Variants in FRMPD2 observed in about 807,000 individuals in gnomAD.
FRMPD2 encodes the protein FERM and PDZ domain-containing protein 2.
A neutral mutation model predicts 140.1 loss-of-function variants in FRMPD2; 96 were observed. The ratio of observed to expected loss-of-function variants is 0.69; its 90% CI spans 0.58 to 0.81. The LOEUF is 0.81. FRMPD2 is among the 40% of genes least tolerant of loss of function. The pLI is 0.00. For missense variants in FRMPD2, 1,240 were observed against 1,447.4 expected (o/e 0.86, Z 2.32); for synonymous variants, 449 against 547.6 (o/e 0.82, Z 2.52).
At chr10:48,189,044 G>A (rs572648357) in intron 16 of FRMPD2, among the ~76,000 whole-genome samples, 3 of 152,292 alleles carry the variant, frequency 2.0e-5, no homozygotes, top group African/African-American at 7.2e-5. Context: ...TGGACTGCGT[G>A]CTACTGAACT....
At position 48,238,019 on chromosome 10, in the gene FRMPD2, T is replaced by C. The variant is rs200082517; in HGVS notation, c.893A>G (p.Gln298Arg). ...ADSSWPTTPS[Q>R]RGFLQRRSKF... ...GCTCCTTCTTTGCAGAAAACCCCTC[T>C]GAGAAGGAGTTGTTGGCCATGAGCT... Residue 298 changes from glutamine (Q) to arginine (R), a missense_variant, in exon 8 of 29, where the codon CAG (glutamine) becomes CGG (arginine). Physicochemically the swap from Gln to Arg is conservative, Grantham distance 43. Coordinates refer to ENST00000374201, the MANE Select transcript of FRMPD2 (RefSeq NM_001018071.4). 2.8e-5 allele frequency: 46 copies of C among 1,614,076 alleles called. No homozygotes were observed. In the Admixed American group the frequency reaches 3.5e-4, roughly 12 times the overall value.
At chr10:48,265,486 C>T (rs2131986111) in intron 1 of FRMPD2, among the ~76,000 whole-genome samples, 1 of 152,182 alleles carries the variant, frequency 6.6e-6, no homozygotes, top group East Asian at 1.9e-4. Flanking sequence ...GGTCTAATAT[C>T]CAGCATTTAT....
intron 1 of FRMPD2, among the ~76,000 whole-genome samples, chr10:48,265,876 A>G (rs1164475551): frequency 2.0e-5 from 3 of 152,224 alleles, no homozygotes; most frequent in African/African-American, 7.2e-5. Flanking sequence ...TATATACCCA[A>G]AGAAATATAA....
intron 2 of FRMPD2, among the ~76,000 whole-genome samples, chr10:48,250,963 A>AT (rs113989363): frequency 0.11 from 16,432 of 143,314 alleles, 1,681 homozygotes; most frequent in African/African-American, 0.28. Flanking sequence ...TACCTGGCAA[A>AT]TTTTTTTTTT....
intron 3 of FRMPD2, 96 bp downstream of exon 3, chr10:48,248,925 C>G (rs1840313901): frequency 1.7e-6 from 2 of 1,178,828 alleles, no homozygotes; most frequent in Non-Finnish European, 2.4e-6. Flanking sequence ...GAACCAAGCT[C>G]TGCAAGGCTG....
chr10:48,270,044 T>C (rs1840740555), intron 1 of FRMPD2, among the ~76,000 whole-genome samples: 1 of 152,210 alleles, frequency 6.6e-6, no homozygotes, highest in African/African-American at 2.4e-5. Flanking sequence ...AAAGTGACTA[T>C]TTCTGTGCAA....
intron 1 of FRMPD2, among the ~76,000 whole-genome samples, chr10:48,271,031 A>C (rs994350538): frequency 6.6e-6 from 1 of 152,138 alleles, no homozygotes; most frequent in African/African-American, 2.4e-5. Flanking sequence ...CACAAATCTG[A>C]CCATGTCACA....
chr10:48,226,006 T>G (rs1839713281), intron 10 of FRMPD2, among the ~76,000 whole-genome samples: 1 of 152,218 alleles, frequency 6.6e-6, no homozygotes, highest in African/African-American at 2.4e-5. Context: ...TGGTTGTTTG[T>G]GTACAGAATT....
At chr10:48,270,619 G>C (rs578057379) in intron 1 of FRMPD2, among the ~76,000 whole-genome samples, 6 of 151,966 alleles carry the variant, frequency 3.9e-5, no homozygotes, top group Non-Finnish European at 8.8e-5. Flanking sequence ...GCTCAGACCC[G>C]TTTCTTGAGC....
At position 48,184,850 on chromosome 10, in the gene FRMPD2, G is replaced by T; in HGVS notation, c.2391C>A (p.Gly797=). The part of the protein sequence containing the change: ...GFVINEGEYS[G]QADPGIFISS... ...ATATAAAAATGCCAGGGTCAGCTTGGCCTGAATACTCTCCCTCATTAATGA... is the reference window on the plus strand; with the variant it reads ...ATATAAAAATGCCAGGGTCAGCTTGTCCTGAATACTCTCCCTCATTAATGA... Residue 797 remains glycine, a synonymous_variant, in exon 19 of 29, where the codon GGC becomes GGA. Transcript: ENST00000374201. 1 of 1,613,456 alleles carries T rather than the reference G, an allele frequency of 6.2e-7. No homozygotes were observed. Among genetic ancestry groups the T allele is most frequent in the South Asian group, 1.1e-5 (1 of 90,934 alleles).
rs755326747 is a variant in FRMPD2 at position 48,236,566 on chromosome 10, A to C, written c.922-13T>G. 2 of 1,613,422 alleles carry C rather than the reference A, an allele frequency of 1.2e-6. No homozygotes were observed. The highest frequency in any genetic ancestry group is 2.2e-5 in the East Asian group (1 of 44,890). ...CTGGCCTGGAAAACTGGAGGAAAACAGTCACATATGGTAGAGAAGACAACA... is the reference window on the plus strand; with the variant it reads ...CTGGCCTGGAAAACTGGAGGAAAACCGTCACATATGGTAGAGAAGACAACA... On this transcript the variant is annotated splice_polypyrimidine_tract_variant and intron_variant, in intron 8 of 28. Coordinates refer to ENST00000374201, the MANE Select transcript of FRMPD2 (RefSeq NM_001018071.4).
rs1838161391 is a variant in FRMPD2 at position 48,168,635 on chromosome 10, G to A, written c.3497C>T (p.Pro1166Leu). 8.9e-7 allele frequency: 1 copy of A among 1,117,976 alleles called. No individual in the cohort carries two copies. Among genetic ancestry groups the A allele is most frequent in the Admixed American group, 2.0e-5 (1 of 48,812 alleles). 69.3% of individuals were successfully genotyped at this position (1,117,976 alleles called of 1,614,324 possible). The change falls in exon 27 of 29, where the codon CCC becomes CTC. Residue 1166 changes from proline to leucine, a missense_variant. Coordinates refer to ENST00000374201, the MANE Select transcript of FRMPD2 (RefSeq NM_001018071.4). ...CAGCTCAGGCAGCGCACCTGGAGGG[G>A]GTCGGCAAAGGAGGAGCGTGACTTC... Reference protein sequence around the residue: ...PQEVTLLLCRPPPGALPELEQ... With the variant: ...PQEVTLLLCRLPPGALPELEQ...
At chr10:48,274,048 T>C (rs1049157105) in intron 1 of FRMPD2, among the ~76,000 whole-genome samples, 11 of 152,324 alleles carry the variant, frequency 7.2e-5, no homozygotes, top group African/African-American at 2.6e-4. Context: ...TGATACTCTT[T>C]AAGCAATAAC....
In FRMPD2 at chr10:48,238,001, C is replaced by A. The variant is rs1205149061; in HGVS notation, c.911G>T (p.Arg304Ile). The change falls in exon 8 of 29, where the codon AGA becomes ATA. Residue 304 changes from arginine to isoleucine, a missense_variant. Physicochemically the swap from Arg to Ile is moderately conservative, Grantham distance 97. Around this residue, in one of 6 missense-constraint regions of FRMPD2, gnomAD observed 1,161 missense variants for 1,055.9 expected, o/e 1.10. Coordinates refer to ENST00000374201, the MANE Select transcript of FRMPD2 (RefSeq NM_001018071.4). The stretch of plus-strand genomic sequence containing the variant: ...CCTTATTTTGCTTACCTTGCTCCTT[C>A]TTTGCAGAAAACCCCTCTGAGAAGG... Reference protein sequence around the residue: ...TTPSQRGFLQRRSKFSRPEFI... With the variant: ...TTPSQRGFLQIRSKFSRPEFI... 3 of 1,614,214 alleles carry A rather than the reference C, an allele frequency of 1.9e-6. No individual in the cohort carries two copies. Among genetic ancestry groups the A allele is most frequent in the Non-Finnish European group, 2.5e-6 (3 of 1,180,044 alleles).
At chr10:48,271,825 C>T (rs566796960) in intron 1 of FRMPD2, among the ~76,000 whole-genome samples, 5 of 152,200 alleles carry the variant, frequency 3.3e-5, no homozygotes, top group South Asian at 2.1e-4. Context: ...GAGCAGGCTC[C>T]GAGGTCAGAG....
chr10:48,178,947 G>C (rs1402023066), intron 21 of FRMPD2: 1 of 152,090 alleles, frequency 6.6e-6, no homozygotes, highest in African/African-American at 2.4e-5. Flanking sequence ...ACCCATAAAA[G>C]GGGTTGATAA....
rs1404278823 is a variant in FRMPD2 at position 48,193,630 on chromosome 10, T to C, written c.1955-736A>G. On this transcript the variant is annotated intron_variant, in intron 15 of 28. Transcript: ENST00000374201. ...AATGAGGCTTTACATAAAGCCAAGTTAGTATTTTAAGACAGGAAAATGATG... is the reference window on the plus strand; with the variant it reads ...AATGAGGCTTTACATAAAGCCAAGTCAGTATTTTAAGACAGGAAAATGATG... Among the ~76,000 whole-genome samples, 3 of 152,336 alleles carry C rather than the reference T, an allele frequency of 2.0e-5. No individual in the cohort carries two copies. In the East Asian group the frequency reaches 5.8e-4, roughly 29 times the overall value.
At chr10:48,256,748 G>A (rs2652408) in intron 1 of FRMPD2, among the ~76,000 whole-genome samples, 6,783 of 152,168 alleles carry the variant, frequency 0.045, 495 homozygotes, top group African/African-American at 0.15. Flanking sequence ...TCCTGGCCTC[G>A]TGGGTCAGGG....
intron 3 of FRMPD2, among the ~76,000 whole-genome samples, chr10:48,245,291 T>A (rs932829630): frequency 1.4e-4 from 22 of 152,370 alleles, no homozygotes; most frequent in African/African-American, 5.0e-4. Flanking sequence ...GCCTGGATCC[T>A]TGATGACATG....
Sources: gnomAD v4.1 joint callset for allele counts (sites outside exome capture counted in the v4.1 genomes callset) on GRCh38, gnomAD v4.1.1 for gene constraint, gnomAD v4.1.1 regional missense constraint, MANE v1.5 for transcripts, NCBI Gene and HGNC (gene_info 2026-07-23, HGNC 2026-07-21) for gene names.